The following HYDIN variants were observed in gnomAD, a reference collection of about 807,000 sequenced individuals.
The protein encoded by HYDIN is HYDIN axonemal central pair apparatus protein, also known as axonemal central pair apparatus protein HYDIN.
In HYDIN, 132 loss-of-function variants were observed where a neutral mutation model predicts 403.9. That is an observed-to-expected ratio of 0.33 (90% CI 0.28 to 0.38). The LOEUF is 0.38. HYDIN is among the 10% of genes least tolerant of loss of function. HYDIN has a pLI of 1.00. For missense variants in HYDIN, 2,827 were observed against 5,009.5 expected (o/e 0.56, Z 13.15); for synonymous variants, 1,202 against 1,891.7 (o/e 0.64, Z 9.46).
intron 45 of HYDIN, among the ~76,000 whole-genome samples, chr16:70,926,577 A>G (rs2077160710): frequency 6.6e-6 from 1 of 151,986 alleles, no homozygotes; most frequent in African/African-American, 2.4e-5. Flanking sequence ...TAACCTGCAC[A>G]TTGTACACAT....
intron 44 of HYDIN, 54 bp downstream of exon 44, chr16:70,938,560 G>A (rs555695992): frequency 8.2e-7 from 1 of 1,218,908 alleles, no homozygotes; most frequent in Non-Finnish European, 1.2e-6. Flanking sequence ...TGGTCACTCT[G>A]TGGGGACGGT....
chr16:70,831,495 T>G (rs1303364107), intron 80 of HYDIN, among the ~76,000 whole-genome samples: 52 of 115,004 alleles, frequency 4.5e-4, no homozygotes, highest in African/African-American at 1.6e-3. Context: ...GGGAACAGAG[T>G]GAGACTCTGT....
rs1359173445 is a variant in HYDIN at position 70,804,667 on chromosome 16, A to G, written c.*2913T>C. On this transcript the variant is annotated 3_prime_UTR_variant, in exon 86 of 86. Transcript: ENST00000393567. ...ATGTTCAAGTTGTTATCTCCAGAGC[A>G]TTGAGGGGAACTATGATCTTTAGCA... 6.6e-6 allele frequency among the ~76,000 whole-genome samples: 1 copy of G among 152,206 alleles called. No individual in the cohort carries two copies. Among genetic ancestry groups the G allele is most frequent in the East Asian group, 1.9e-4 (1 of 5,202 alleles).
chr16:71,181,570 T>C (rs2086906654), intron 3 of HYDIN, among the ~76,000 whole-genome samples: 1 of 152,172 alleles, frequency 6.6e-6, no homozygotes, highest in Admixed American at 6.6e-5. Flanking sequence ...ACTCTTTAAT[T>C]TCTGGCTAAT....
At chr16:71,167,773 G>C (rs1226529499) in intron 5 of HYDIN, among the ~76,000 whole-genome samples, 1 of 151,634 alleles carries the variant, frequency 6.6e-6, no homozygotes, top group African/African-American at 2.4e-5. Flanking sequence ...ATTATATATT[G>C]CTCTGCTGGC....
At chr16:71,139,647 T>C (rs1304875918) in intron 7 of HYDIN, among the ~76,000 whole-genome samples, 1 of 151,862 alleles carries the variant, frequency 6.6e-6, no homozygotes, top group East Asian at 1.9e-4. Flanking sequence ...TTTATTATTT[T>C]TCATGACAAA....
At chr16:71,021,266 G>C (rs1174019048) in intron 21 of HYDIN, among the ~76,000 whole-genome samples, 1 of 151,216 alleles carries the variant, frequency 6.6e-6, no homozygotes, top group African/African-American at 2.4e-5. Context: ...GCCCAGGCTG[G>C]AATGCAGTGG....
At chr16:71,216,086 CG>C (rs1567463790) in intron 1 of HYDIN, among the ~76,000 whole-genome samples, 1 of 152,098 alleles carries the variant, frequency 6.6e-6, no homozygotes, top group Admixed American at 6.5e-5. Context: ...CTTAAAGATA[CG>C]TATGTTCTAT....
rs1264457860 is a variant in HYDIN, at chr16:70,961,220, G to A, written c.5968+739C>T. Among the ~76,000 whole-genome samples, 5 of 152,284 alleles carry A rather than the reference G, an allele frequency of 3.3e-5. No homozygotes were observed. In the South Asian group the frequency reaches 6.2e-4, roughly 19 times the overall value. On this transcript the variant is annotated intron_variant, in intron 38 of 85. Coordinates refer to ENST00000393567, the MANE Select transcript of HYDIN (RefSeq NM_001270974.2). ...GGGGAGGGCTGCTCGGAGAGACCAG[G>A]AACCACTTGGGGGCCCATCAACATA...
chr16:70,833,898 A>G lies in HYDIN; in HGVS notation c.13668T>C (p.Asp4556=), dbSNP rs1433061883. Residue 4556 remains aspartate, a synonymous_variant, in exon 79 of 86, where the codon GAT becomes GAC. Transcript: ENST00000393567. ...CACTGCTCCCTTACCTTGCACCCAC[A>G]TCGCCTGTGTTCATCATGAGGATGC... is the stretch of plus-strand genomic sequence containing the variant. ...TRRILMMNTG[D]VGARFKWDIK... 6 of 1,612,272 alleles carry G rather than the reference A, an allele frequency of 3.7e-6. No individual in the cohort carries two copies. Among genetic ancestry groups the G allele is most frequent in the East Asian group, 4.5e-5 (2 of 44,834 alleles).
At chr16:70,824,532 CTT>C (rs11452010) in intron 83 of HYDIN, among the ~76,000 whole-genome samples, 7 of 145,470 alleles carry the variant, frequency 4.8e-5, no homozygotes, top group Admixed American at 6.8e-5. Context: ...CTTTGATTCA[CTT>C]TTTTTTTTTT....
intron 85 of HYDIN, 103 bp from the exon 86 acceptor site, chr16:70,808,165 T>C (rs2035220757): frequency 1.5e-6 from 2 of 1,317,766 alleles, no homozygotes; most frequent in Admixed American, 2.3e-5. Context: ...CAAGCAACTA[T>C]GTCTGTGTGA....
At chr16:71,065,971 T>C (rs1165155134) in intron 15 of HYDIN, among the ~76,000 whole-genome samples, 1 of 152,228 alleles carries the variant, frequency 6.6e-6, no homozygotes, top group Non-Finnish European at 1.5e-5. Flanking sequence ...TGTTCATTTC[T>C]AGCTGGAATG....
In HYDIN at chr16:71,191,952, G is replaced by A. The variant is rs183497741; in HGVS notation, c.-23-5034C>T. ...AATTAACCATATAACACATACTTGT[G>A]GACTACTTACTATGTGCCTGACAAT... On this transcript the variant is annotated intron_variant, in intron 1 of 85. Coordinates refer to ENST00000393567, the MANE Select transcript of HYDIN (RefSeq NM_001270974.2). 1.9e-3 allele frequency among the ~76,000 whole-genome samples: 283 copies of A among 152,140 alleles called. 5 individuals are homozygous for A. Among genetic ancestry groups the A allele is most frequent in the African/African-American group, 6.4e-3 (267 of 41,492 alleles).
chr16:70,976,913 T>G (rs1336691243), intron 30 of HYDIN, among the ~76,000 whole-genome samples: 2 of 150,482 alleles, frequency 1.3e-5, no homozygotes, highest in East Asian at 2.0e-4. Context: ...GAGGTGAGAG[T>G]GGAAGTGTGA....
chr16:70,846,035 A>G (rs1171633521), intron 75 of HYDIN, among the ~76,000 whole-genome samples: 1 of 149,348 alleles, frequency 6.7e-6, no homozygotes, highest in African/African-American at 2.5e-5. Flanking sequence ...TTGTGTCTCT[A>G]TTTCCTTCAG....
intron 1 of HYDIN, among the ~76,000 whole-genome samples, chr16:71,226,583 T>C (rs1387927389): frequency 1.3e-5 from 2 of 152,196 alleles, no homozygotes; most frequent in Non-Finnish European, 2.9e-5. Context: ...TTAGACTTCA[T>C]CAAAACTTTT....
Position 70,879,430 on chromosome 16 carries a change from G to A in HYDIN, c.10424C>T (p.Pro3475Leu). The A allele has an allele frequency of 2.5e-6, 4 of 1,612,138 alleles. No homozygotes were observed. Among genetic ancestry groups the A allele is most frequent in the Non-Finnish European group, 3.4e-6 (4 of 1,178,866 alleles). The change falls in exon 62 of 86, where the codon CCT (proline) becomes CTT (leucine). Residue 3475 changes from proline (P) to leucine (L), a missense_variant. By Grantham distance (98) the Pro-to-Leu change is moderately conservative. Transcript: ENST00000393567. The stretch of plus-strand genomic sequence containing the variant: ...AACTGGCCGCACAACCGTCACTCGA[G>A]GGAGGTTCCCCTCACCAGCGATGTC... ...VFDIAGEGNL[P>L]RVTVVRPVLH...
chr16:71,151,419 C>T (rs2085532688), intron 7 of HYDIN, among the ~76,000 whole-genome samples: 1 of 151,732 alleles, frequency 6.6e-6, no homozygotes, highest in Non-Finnish European at 1.5e-5. Flanking sequence ...ATGCCTTGTG[C>T]TGCTCCTTCT....
Sources: allele counts gnomAD v4.1 joint callset (sites outside exome capture counted in the v4.1 genomes callset), GRCh38; gene constraint gnomAD v4.1.1; transcripts MANE v1.5; gene names NCBI Gene and HGNC (gene_info 2026-07-23, HGNC 2026-07-21).